The following GRIK4 variants were observed in gnomAD, a reference collection of about 807,000 sequenced individuals.
GRIK4 encodes glutamate ionotropic receptor kainate type subunit 4, also known as glutamate receptor ionotropic, kainate 4.
A neutral mutation model predicts 104.9 loss-of-function variants in GRIK4; 40 were observed. The ratio of observed to expected loss-of-function variants is 0.38; its 90% CI spans 0.30 to 0.50. The LOEUF is 0.50. GRIK4 is among the 20% of genes least tolerant of loss of function. The probability of loss-of-function intolerance (pLI) is 0.93; values close to 1 mark genes in which losing one functional copy is unlikely to be tolerated. For synonymous variants in GRIK4, 485 were observed against 524.9 expected (o/e 0.92, Z 1.04); for missense variants, 1,047 against 1,308.1 (o/e 0.80, Z 3.08).
chr11:120,894,920 C>T (rs1299021072), intron 11 of GRIK4: 2 of 143,346 alleles, frequency 1.4e-5, no homozygotes, highest in African/African-American at 5.2e-5. Flanking sequence ...AATTAGATTG[C>T]ACTGGGTAAT....
intron 1 of GRIK4, among the ~76,000 whole-genome samples, chr11:120,582,043 G>T (rs1048260232): frequency 1.3e-5 from 2 of 151,200 alleles, no homozygotes; most frequent in Admixed American, 6.6e-5. Flanking sequence ...TCCTGACCTC[G>T]TGATCTGCCT....
At chr11:120,969,758 G>T (rs1450246717) in intron 19 of GRIK4, among the ~76,000 whole-genome samples, 3 of 152,200 alleles carry the variant, frequency 2.0e-5, no homozygotes, top group African/African-American at 7.2e-5. Flanking sequence ...GCTTTCTAAA[G>T]TGGAAATGGA....
At chr11:120,878,789 G>A (rs535789984) in intron 11 of GRIK4, among the ~76,000 whole-genome samples, 2 of 152,134 alleles carry the variant, frequency 1.3e-5, no homozygotes, top group African/African-American at 4.8e-5. Context: ...CCTCTTGACA[G>A]GTGTCCTTCC....
At chr11:120,688,828 A>G (rs951708381) in intron 3 of GRIK4, among the ~76,000 whole-genome samples, 1 of 152,194 alleles carries the variant, frequency 6.6e-6, no homozygotes, top group Non-Finnish European at 1.5e-5. Flanking sequence ...GGAGTAGCCC[A>G]TATATATGCC....
In GRIK4 at chr11:120,936,184, C is replaced by G. The variant is rs111611278; in HGVS notation, c.1477-4163C>G. 4.6e-3 allele frequency: 1,398 copies of G among 304,292 alleles called. 10 individuals carry two copies. The highest frequency in any genetic ancestry group is 0.028 in the African/African-American group (1,265 of 44,834). The allele number at this position is 304,292 out of a possible 1,614,324, so 18.8% of individuals were successfully genotyped here. A position where few individuals can be genotyped will look rare whatever the true frequency, so the allele number is the denominator to read the frequency against. On this transcript the variant is annotated intron_variant, in intron 13 of 20. Coordinates refer to ENST00000527524, the MANE Select transcript of GRIK4 (RefSeq NM_014619.5). The stretch of plus-strand genomic sequence containing the variant: ...GACTTTCTTTTAGCTCAGTTTGCAG[C>G]AATATCCTTTGGCATTTTTCCTCCA...
intron 3 of GRIK4, among the ~76,000 whole-genome samples, chr11:120,759,113 C>T (rs1332540595): frequency 6.6e-6 from 1 of 152,168 alleles, no homozygotes; most frequent in Non-Finnish European, 1.5e-5. Flanking sequence ...TCCTGTGACA[C>T]TGCTATTTAT....
At chr11:120,562,171 T>A (rs1565550460) in intron 1 of GRIK4, among the ~76,000 whole-genome samples, 1 of 152,186 alleles carries the variant, frequency 6.6e-6, no homozygotes, top group African/African-American at 2.4e-5. Context: ...CCTTAAGATA[T>A]TACCTTTATC....
intron 6 of GRIK4, among the ~76,000 whole-genome samples, chr11:120,827,994 G>A (rs563914573): frequency 6.6e-6 from 1 of 152,296 alleles, no homozygotes; most frequent in South Asian, 2.1e-4. Context: ...CCAAGAGCTA[G>A]CCTGCCTCAT....
chr11:120,757,037 G>A (rs1023166282), intron 3 of GRIK4, among the ~76,000 whole-genome samples: 2 of 152,318 alleles, frequency 1.3e-5, no homozygotes, highest in East Asian at 1.9e-4. Context: ...TTGATGGCCC[G>A]TGAGTGTCTT....
At chr11:120,768,497 A>G (rs115376453) in intron 3 of GRIK4, among the ~76,000 whole-genome samples, 3,153 of 152,180 alleles carry the variant, frequency 0.021, 104 homozygotes, top group African/African-American at 0.071. Context: ...TCTGTAAGTA[A>G]AGATCATTTG....
intron 3 of GRIK4, among the ~76,000 whole-genome samples, chr11:120,798,151 C>T (rs932892703): frequency 1.5e-5 from 2 of 131,658 alleles, no homozygotes; most frequent in Non-Finnish European, 1.6e-5. Flanking sequence ...GTGAGCTCTG[C>T]TGTCTCTTTT....
intron 3 of GRIK4, among the ~76,000 whole-genome samples, chr11:120,786,570 A>G (rs1357776637): frequency 2.0e-5 from 3 of 152,158 alleles, no homozygotes; most frequent in African/African-American, 7.2e-5. Flanking sequence ...TAGTTGTGAC[A>G]TCTGCCTGCC....
Position 120,940,385 on chromosome 11 carries a change from T to C in GRIK4, c.1515T>C (p.Ala505=). 3 of 1,613,872 alleles carry C rather than the reference T, an allele frequency of 1.9e-6. No individual in the cohort carries two copies. Among genetic ancestry groups the C allele is most frequent in the Non-Finnish European group, 2.5e-6 (3 of 1,179,764 alleles). Residue 505 remains alanine, a synonymous_variant, in exon 14 of 21, where the codon GCT becomes GCC. Transcript: ENST00000527524. This position sits in a 1 kb window ranked among gnomAD's most constrained non-coding sequence, Gnocchi z 4.3. ...DLAVAGLTIT[A]EREKVIDFSK... is the part of the protein sequence containing the mutation. ...CTGTGGCAGGCCTCACCATTACAGC[T>C]GAACGGGAGAAGGTGATTGATTTCT... is the stretch of plus-strand genomic sequence containing the variant.
chr11:120,683,254 G>A (rs1279756650), intron 3 of GRIK4, among the ~76,000 whole-genome samples: 1 of 152,196 alleles, frequency 6.6e-6, no homozygotes, highest in African/African-American at 2.4e-5. Flanking sequence ...TGGAGATGGT[G>A]AGAAGTAAAC....
intron 1 of GRIK4, among the ~76,000 whole-genome samples, chr11:120,625,422 G>T (rs1949245779): frequency 6.6e-6 from 1 of 152,176 alleles, no homozygotes; most frequent in Non-Finnish European, 1.5e-5. Context: ...AGAGCCGGGG[G>T]AGGCGGAGAG....
chr11:120,602,683 G>A (rs578203935), intron 1 of GRIK4, among the ~76,000 whole-genome samples: 1 of 152,254 alleles, frequency 6.6e-6, no homozygotes, highest in Admixed American at 6.5e-5. Flanking sequence ...TAGTTTTCTG[G>A]CTGCATTTTC....
chr11:120,554,901 C>T lies in GRIK4; in HGVS notation c.-159+43014C>T, dbSNP rs184234578. Among the ~76,000 whole-genome samples, 418 of 152,328 alleles carry T rather than the reference C, an allele frequency of 2.7e-3. 6 individuals carry two copies. Among genetic ancestry groups the T allele is most frequent in the African/African-American group, 9.5e-3 (396 of 41,578 alleles). ...AGTCAGTTGGAGAGTCCATGTGCAT[C>T]TGTTCCCCTCTTTCCAAATGAGGAA... On this transcript the variant is annotated intron_variant, in intron 1 of 20. Transcript: ENST00000527524.
At chr11:120,763,154 C>G (rs1311684169) in intron 3 of GRIK4, among the ~76,000 whole-genome samples, 3 of 152,184 alleles carry the variant, frequency 2.0e-5, no homozygotes, top group Non-Finnish European at 4.4e-5. Context: ...AATTCAACTT[C>G]TTCCTGGTTT....
chr11:120,895,891 A>T (rs971309034), intron 11 of GRIK4, among the ~76,000 whole-genome samples: 5 of 152,182 alleles, frequency 3.3e-5, no homozygotes, highest in Non-Finnish European at 7.4e-5. Flanking sequence ...TCCCTCACCC[A>T]TGCAGAGAGG....
Sources: gnomAD v4.1 joint callset for allele counts (sites outside exome capture counted in the v4.1 genomes callset) on GRCh38, gnomAD v4.1.1 for gene constraint, Gnocchi (gnomAD v3.1) non-coding constraint, MANE v1.5 for transcripts, NCBI Gene and HGNC (gene_info 2026-07-23, HGNC 2026-07-21) for gene names.